The following LDLRAD4 variants were observed in gnomAD, a reference collection of about 807,000 sequenced individuals.
LDLRAD4 encodes low-density lipoprotein receptor class A domain-containing protein 4.
LDLRAD4 carries 5 observed loss-of-function variants against 17.0 expected under a neutral mutation model. The ratio of observed to expected loss-of-function variants is 0.29; its 90% CI spans 0.15 to 0.62. LDLRAD4 has a LOEUF of 0.62. Ranked by LOEUF, LDLRAD4 falls within the 20% of genes least tolerant of loss-of-function variation. The pLI, the probability that LDLRAD4 is intolerant of heterozygous loss-of-function variation, is 0.84. For missense variants in LDLRAD4, 340 were observed against 424.7 expected (o/e 0.80, Z 1.75); for synonymous variants, 168 against 171.8 (o/e 0.98, Z 0.17).
At chr18:13,500,122 T>TA (rs899168547) in intron 3 of LDLRAD4, among the ~76,000 whole-genome samples, 7 of 151,570 alleles carry the variant, frequency 4.6e-5, no homozygotes, top group Non-Finnish European at 1.0e-4. Flanking sequence ...TTTTGGTGAT[T>TA]AAAAAAAAAT....
intron 3 of LDLRAD4, among the ~76,000 whole-genome samples, chr18:13,549,872 G>A (rs2094412541): frequency 1.3e-5 from 2 of 152,072 alleles, no homozygotes; most frequent in African/African-American, 2.4e-5. Context: ...ACAGAACTAG[G>A]TTCAAATTCA....
chr18:13,572,210 A>G lies in LDLRAD4; in HGVS notation c.182-48907A>G, dbSNP rs570463228. Among the ~76,000 whole-genome samples, 7 of 152,366 alleles carry G rather than the reference A, an allele frequency of 4.6e-5. 1 individual carries two copies. In the South Asian group the frequency reaches 8.3e-4, roughly 18 times the overall value. Reference sequence around the variant, plus strand: ...TATCGGCAGCCTTAAGTGAGCATGTACTACATTGGGGGTAGTGAAATGGGT... The same window carrying G: ...TATCGGCAGCCTTAAGTGAGCATGTGCTACATTGGGGGTAGTGAAATGGGT... On this transcript the variant is annotated intron_variant, in intron 3 of 5. Transcript: ENST00000359446.
At chr18:13,486,415 C>G (rs1234940469) in intron 3 of LDLRAD4, 1 of 152,224 alleles carries the variant, frequency 6.6e-6, no homozygotes, top group Non-Finnish European at 1.5e-5. Context: ...GGAAAGGTTA[C>G]CAATGAGTTT....
intron 3 of LDLRAD4, chr18:13,614,986 C>CGGTG (rs1385118127): frequency 6.6e-6 from 1 of 152,394 alleles, no homozygotes; most frequent in Admixed American, 6.5e-5. Context: ...TCTGTCCCAG[C>CGGTG]GGTGGGGCAG....
At chr18:13,381,459 A>G in intron 1 of LDLRAD4, among the ~76,000 whole-genome samples, 1 of 151,896 alleles carries the variant, frequency 6.6e-6, no homozygotes, top group South Asian at 2.1e-4. Context: ...CTCCAGTTTC[A>G]CCTCCTCATT....
chr18:13,516,734 C>T (rs1054144929), intron 3 of LDLRAD4, among the ~76,000 whole-genome samples: 2 of 152,248 alleles, frequency 1.3e-5, no homozygotes, highest in South Asian at 2.1e-4. Flanking sequence ...TGGATAATGG[C>T]GATTCATTTG....
intron 3 of LDLRAD4, among the ~76,000 whole-genome samples, chr18:13,585,894 A>G (rs756312322): frequency 5.9e-5 from 9 of 152,236 alleles, no homozygotes; most frequent in African/African-American, 2.2e-4. Context: ...AAGTTAGCTA[A>G]TATCTGCAAA....
chr18:13,533,075 A>T (rs1414437236), intron 3 of LDLRAD4, among the ~76,000 whole-genome samples: 1 of 152,246 alleles, frequency 6.6e-6, no homozygotes, highest in Non-Finnish European at 1.5e-5. Flanking sequence ...TCATTAACTA[A>T]TACATCAAAT....
intron 1 of LDLRAD4, among the ~76,000 whole-genome samples, chr18:13,361,154 T>C (rs1568049474): frequency 6.6e-6 from 1 of 152,190 alleles, no homozygotes; most frequent in Non-Finnish European, 1.5e-5. Flanking sequence ...AATACACTTC[T>C]ACAAGCTCCG....
At chr18:13,311,501 C>T (rs2047230776) in intron 1 of LDLRAD4, among the ~76,000 whole-genome samples, 1 of 152,240 alleles carries the variant, frequency 6.6e-6, no homozygotes, top group Non-Finnish European at 1.5e-5. Flanking sequence ...CTCAGAGTGT[C>T]CTCTGAGGAT....
At chr18:13,257,629 T>C (rs1276832832) in intron 1 of LDLRAD4, among the ~76,000 whole-genome samples, 1 of 152,232 alleles carries the variant, frequency 6.6e-6, no homozygotes, top group Non-Finnish European at 1.5e-5. Context: ...TTTATAGGTC[T>C]GGATGCTTTA....
chr18:13,620,195 C>T (rs2040488617), intron 3 of LDLRAD4, among the ~76,000 whole-genome samples: 1 of 152,224 alleles, frequency 6.6e-6, no homozygotes, highest in Non-Finnish European at 1.5e-5. Flanking sequence ...TGGCCGGGGC[C>T]TGAGCCCTGC....
intron 1 of LDLRAD4, among the ~76,000 whole-genome samples, chr18:13,374,592 A>C (rs1466239388): frequency 6.6e-6 from 1 of 152,206 alleles, no homozygotes; most frequent in Non-Finnish European, 1.5e-5. Flanking sequence ...TCGCTTTCCC[A>C]GAACAGCCGT....
chr18:13,559,837 T>C (rs13381757), intron 3 of LDLRAD4, among the ~76,000 whole-genome samples: 40,500 of 151,682 alleles, frequency 0.27, 6,065 homozygotes, highest in African/African-American at 0.39. Flanking sequence ...AGATCTCTGA[T>C]GCCTCTTCCA....
intron 1 of LDLRAD4, among the ~76,000 whole-genome samples, chr18:13,358,652 AACT>A (rs1483853465): frequency 6.6e-6 from 1 of 152,188 alleles, no homozygotes; most frequent in Admixed American, 6.5e-5. Flanking sequence ...GTTAGACGAA[AACT>A]ACTAATTCTA....
At chr18:13,382,387 G>A (rs1347623067) in intron 1 of LDLRAD4, among the ~76,000 whole-genome samples, 1 of 152,152 alleles carries the variant, frequency 6.6e-6, no homozygotes, top group African/African-American at 2.4e-5. Flanking sequence ...AACTGGTAAG[G>A]CAGACATACC....
At chr18:13,372,782 A>G (rs2084613609) in intron 1 of LDLRAD4, among the ~76,000 whole-genome samples, 1 of 152,186 alleles carries the variant, frequency 6.6e-6, no homozygotes, top group Admixed American at 6.5e-5. Context: ...TGTCTGTGTT[A>G]ATAAAGTTTT....
intron 2 of LDLRAD4, among the ~76,000 whole-genome samples, chr18:13,429,807 C>T (rs537279389): frequency 2.0e-5 from 3 of 152,302 alleles, no homozygotes; most frequent in East Asian, 1.9e-4. Flanking sequence ...CCGCAGGTCG[C>T]GAGGCCCCAC....
intron 1 of LDLRAD4, chr18:13,240,232 C>G (rs567718091): frequency 6.6e-6 from 1 of 152,368 alleles, no homozygotes; most frequent in South Asian, 2.1e-4. Flanking sequence ...AACAGAGCAG[C>G]CTGAGGCTTC....
Sources: allele counts gnomAD v4.1 joint callset (sites outside exome capture counted in the v4.1 genomes callset), GRCh38; gene constraint gnomAD v4.1.1; transcripts MANE v1.5; gene names NCBI Gene and HGNC (gene_info 2026-07-23, HGNC 2026-07-21).